KLF15: variants seen among roughly 807,000 people sequenced by gnomAD.
KLF15 encodes the protein Krueppel-like factor 15.
In KLF15, 4 loss-of-function variants were observed where a neutral mutation model predicts 24.6. That is an observed-to-expected ratio of 0.16 (90% CI 0.08 to 0.37). The LOEUF (loss-of-function observed/expected upper bound fraction) is 0.37. Ranked by LOEUF, KLF15 falls within the 10% of genes least tolerant of loss-of-function variation. The pLI, the probability that KLF15 is intolerant of heterozygous loss-of-function variation, is 1.00. For missense variants in KLF15, 496 were observed against 560.6 expected, an observed-to-expected ratio of 0.88 and a Z score of 1.16; for synonymous variants, 246 against 236.3, an observed-to-expected ratio of 1.04 and a Z score of -0.37.
chr3:126,352,260 C>A lies in KLF15; in HGVS notation c.663G>T (p.Leu221=). 1 of 1,538,688 alleles carries A rather than the reference C, an allele frequency of 6.5e-7. No individual in the cohort carries two copies. The highest frequency in any genetic ancestry group is 8.7e-7 in the Non-Finnish European group (1 of 1,145,386). ...GCTTCACAGGCACGGGCTGGATCTG[C>A]AGCAACACTGGGATGGGGCCATCAG... ...PTPDGPIPVL[L]QIQPVPVKQE... The change falls in exon 2 of 3, where the codon CTG becomes CTT. Residue 221 remains leucine (L), a synonymous_variant. Coordinates refer to ENST00000296233, the MANE Select transcript of KLF15 (RefSeq NM_014079.4).
downstream of KLF15, among the ~76,000 whole-genome samples, chr3:126,341,987 C>A (rs550249308): frequency 2.8e-4 from 43 of 152,114 alleles, no homozygotes; most frequent in African/African-American, 1.0e-3. Context: ...TGTGCTTGGG[C>A]CCCCACTTCC....
the KLF15 span, among the ~76,000 whole-genome samples, chr3:126,334,335 C>T: frequency 5.7e-5 from 8 of 139,606 alleles, no homozygotes; most frequent in African/African-American, 1.6e-4. Context: ...GGGTACATAA[C>T]GAAATGAAGG....
chr3:126,298,111 A>G, the KLF15 span, among the ~76,000 whole-genome samples: 6 of 151,932 alleles, frequency 3.9e-5, no homozygotes, highest in Admixed American at 3.3e-4. Flanking sequence ...GCCAACATCT[A>G]TTATTTTTTT....
At chr3:126,314,407 C>T in the KLF15 span, among the ~76,000 whole-genome samples, 1 of 152,210 alleles carries the variant, frequency 6.6e-6, no homozygotes, top group Admixed American at 6.5e-5. Flanking sequence ...GGCCATGATG[C>T]TTGACAGAGC....
rs989473916 is a variant in KLF15, at chr3:126,356,291, G to T, written c.-26+946C>A. ...GGTCTCCCCAGGGGCCACCTGGTCC[G>T]GGGGGACAGGGGGAAGGAGATTTGA... On this transcript the variant is annotated intron_variant, in intron 1 of 2. Coordinates refer to ENST00000296233, the MANE Select transcript of KLF15 (RefSeq NM_014079.4). The surrounding 1 kb of genome is among the most constrained non-coding windows in gnomAD (Gnocchi z 4.4). 6.6e-6 allele frequency among the ~76,000 whole-genome samples: 1 copy of T among 152,120 alleles called. No individual in the cohort carries two copies. The highest frequency in any genetic ancestry group is 1.5e-5 in the Non-Finnish European group (1 of 68,012).
chr3:126,325,101 T>C, the KLF15 span, among the ~76,000 whole-genome samples: 2 of 59,832 alleles, frequency 3.3e-5, no homozygotes, highest in Non-Finnish European at 5.9e-5. Flanking sequence ...AGAATGATGG[T>C]TTCCAATTTC....
chr3:126,343,587 G>T lies in KLF15; in HGVS notation c.*140C>A. On this transcript the variant is annotated 3_prime_UTR_variant, in exon 3 of 3. Transcript: ENST00000296233. ...GAAAGGCAGCGGTTGGCGGGCCCTG[G>T]GTTCACACCTCCCAGGCTTCAGAAG... 1 of 846,538 alleles carries T rather than the reference G, an allele frequency of 1.2e-6. No individual in the cohort carries two copies. Among genetic ancestry groups the T allele is most frequent in the Non-Finnish European group, 1.8e-6 (1 of 549,614 alleles). The allele number at this position is 846,538 out of a possible 1,614,324, so 52.4% of individuals were successfully genotyped here.
At chr3:126,293,254 A>G in the KLF15 span, among the ~76,000 whole-genome samples, 1 of 151,988 alleles carries the variant, frequency 6.6e-6, no homozygotes, top group African/African-American at 2.4e-5. Flanking sequence ...TGTTGAGGGT[A>G]CAATGAGCCA....
chr3:126,352,858 A>T lies in KLF15; in HGVS notation c.65T>A (p.Leu22Gln), dbSNP rs2082597329. The T allele has an allele frequency of 1.9e-6, 3 of 1,612,562 alleles. No homozygotes were observed. Among genetic ancestry groups the T allele is most frequent in the Non-Finnish European group, 2.5e-6 (3 of 1,179,782 alleles). Residue 22 changes from leucine to glutamine, a missense_variant, in exon 2 of 3, where the codon CTG becomes CAG. Physicochemically the swap from Leu to Gln is moderately radical, Grantham distance 113. Coordinates refer to ENST00000296233, the MANE Select transcript of KLF15 (RefSeq NM_014079.4). The part of the protein sequence containing the change: ...FSSPKCPVGY[L>Q]GDRLVGRRAY... ...CCGCCGGCCAACCAGCCTATCACCC[A>T]GATACCCAACTGGGCATTTTGGCGA...
In KLF15 at chr3:126,343,745, G is replaced by A. The variant is rs758209681; in HGVS notation, c.1233C>T (p.Ser411=). Residue 411 remains serine, a synonymous_variant, in exon 3 of 3, where the codon TCC becomes TCT. Transcript: ENST00000296233. ...KVHRFPRSSR[S]VRSVN is the part of the protein sequence containing the mutation. ...GGCGCTTTCAGTTCACGGAGCGCAC[G>A]GAGCGGCTGCTCCGCGGGAAGCGGT... 1.2e-6 allele frequency: 2 copies of A among 1,611,652 alleles called. No individual in the cohort carries two copies. Among genetic ancestry groups the A allele is most frequent in the Admixed American group, 1.7e-5 (1 of 59,692 alleles).
At chr3:126,296,960 A>G in the KLF15 span, among the ~76,000 whole-genome samples, 1 of 151,988 alleles carries the variant, frequency 6.6e-6, no homozygotes, top group Admixed American at 6.6e-5. Flanking sequence ...TGTTTTTTAG[A>G]TGCAGGGTCT....
chr3:126,334,106 C>G, the KLF15 span, among the ~76,000 whole-genome samples: 1 of 152,016 alleles, frequency 6.6e-6, no homozygotes, highest in Non-Finnish European at 1.5e-5. Context: ...CACCCCAAAT[C>G]AACACAATAT....
chr3:126,303,827 C>A, the KLF15 span, among the ~76,000 whole-genome samples: 1 of 151,454 alleles, frequency 6.6e-6, no homozygotes, highest in Admixed American at 6.6e-5. Flanking sequence ...TATTTTTTAT[C>A]TCTGTGTATC....
the KLF15 span, among the ~76,000 whole-genome samples, chr3:126,300,688 T>A: frequency 2.6e-5 from 4 of 152,218 alleles, no homozygotes; most frequent in African/African-American, 9.6e-5. Flanking sequence ...CCTGGCTGAA[T>A]GGCTGCAGCG....
At chr3:126,306,526 C>A in the KLF15 span, among the ~76,000 whole-genome samples, 2 of 152,368 alleles carry the variant, frequency 1.3e-5, no homozygotes, top group East Asian at 1.9e-4. Context: ...CTCAGGGCAA[C>A]CTTGGCCTCT....
rs2082634749 is a variant in KLF15 at position 126,356,678 on chromosome 3, G to A, written c.-26+559C>T. On this transcript the variant is annotated intron_variant, in intron 1 of 2. Transcript: ENST00000296233. The surrounding 1 kb of genome is among the most constrained non-coding windows in gnomAD (Gnocchi z 4.4). ...GGCTGTCCGCGAAGGACTCGCGCGTGGAGCCGCCGTGGGTGCCGGCGGGTG... is the reference window on the plus strand; with the variant it reads ...GGCTGTCCGCGAAGGACTCGCGCGTAGAGCCGCCGTGGGTGCCGGCGGGTG... 6.6e-6 allele frequency among the ~76,000 whole-genome samples: 1 copy of A among 152,014 alleles called. No homozygotes were observed. The highest frequency in any genetic ancestry group is 6.5e-5 in the Admixed American group (1 of 15,286).
At chr3:126,327,896 T>G in the KLF15 span, among the ~76,000 whole-genome samples, 1 of 152,208 alleles carries the variant, frequency 6.6e-6, no homozygotes. Context: ...TATATGTGGA[T>G]TTTTAATATG....
At chr3:126,332,012 C>T in the KLF15 span, among the ~76,000 whole-genome samples, 1 of 152,196 alleles carries the variant, frequency 6.6e-6, no homozygotes, top group Non-Finnish European at 1.5e-5. Context: ...CCGCCATTGC[C>T]CAGGCTTGCT....
chr3:126,300,131 C>G, the KLF15 span, among the ~76,000 whole-genome samples: 1 of 152,060 alleles, frequency 6.6e-6, no homozygotes, highest in African/African-American at 2.4e-5. Context: ...TCTGGGGACC[C>G]GGGGACTTCA....
Sources: gnomAD v4.1 joint callset for allele counts (sites outside exome capture counted in the v4.1 genomes callset) on GRCh38, gnomAD v4.1.1 for gene constraint, Gnocchi (gnomAD v3.1) non-coding constraint, MANE v1.5 for transcripts, NCBI Gene and HGNC (gene_info 2026-07-23, HGNC 2026-07-21) for gene names.